The following FHIT variants were observed in gnomAD, a reference collection of about 807,000 sequenced individuals.
FHIT encodes the protein fragile histidine triad diadenosine triphosphatase, also known as bis(5'-adenosyl)-triphosphatase.
Under a neutral mutation model 17.9 loss-of-function variants are expected in FHIT, and 19 were observed. That is an observed-to-expected ratio of 1.06 (90% CI 0.74 to 1.56). The LOEUF is 1.56. Among genes scored for constraint, FHIT ranks in the 40% most tolerant of loss-of-function variants. The pLI, the probability that FHIT is intolerant of heterozygous loss-of-function variation, is 0.00. For synonymous variants in FHIT, 81 were observed against 69.7 expected, an observed-to-expected ratio of 1.16 and a Z score of -0.81; for missense variants, 248 against 189.2, an observed-to-expected ratio of 1.31 and a Z score of -1.82.
intron 2 of FHIT, among the ~76,000 whole-genome samples, chr3:61,191,685 G>C (rs905397550): frequency 6.6e-6 from 1 of 152,126 alleles, no homozygotes; most frequent in African/African-American, 2.4e-5. Context: ...ACAGGGAAAG[G>C]GTTAACAGCT....
At chr3:60,369,360 T>C (rs7624537) in intron 5 of FHIT, among the ~76,000 whole-genome samples, 60,923 of 152,028 alleles carry the variant, frequency 0.4, 12,359 homozygotes, top group Non-Finnish European at 0.42. Context: ...AGCATCCATG[T>C]TTTCCTTTAA....
intron 5 of FHIT, among the ~76,000 whole-genome samples, chr3:60,472,952 T>C (rs2033163202): frequency 6.6e-6 from 1 of 152,304 alleles, no homozygotes; most frequent in East Asian, 1.9e-4. Flanking sequence ...GACATTTATC[T>C]CCTTTAGTGC....
intron 5 of FHIT, among the ~76,000 whole-genome samples, chr3:60,229,855 G>C (rs1037836047): frequency 6.6e-6 from 1 of 152,076 alleles, no homozygotes; most frequent in Non-Finnish European, 1.5e-5. Flanking sequence ...GGTGATGCAC[G>C]CCTATAATCC....
rs142536001 is a variant in FHIT, at chr3:60,764,086, G to A, written c.-18+57833C>T. 6.2e-4 allele frequency among the ~76,000 whole-genome samples: 94 copies of A among 152,242 alleles called. 1 individual carries two copies. Among genetic ancestry groups the A allele is most frequent in the African/African-American group, 2.2e-3 (93 of 41,552 alleles). ...AGGTCACACAGCAAATTAGTGGTAC[G>A]ACGGGGATTGGAAAGCCTAACGCCT... On this transcript the variant is annotated intron_variant, in intron 4 of 9. Coordinates refer to ENST00000492590, the MANE Select transcript of FHIT (RefSeq NM_002012.4).
chr3:60,970,049 C>A (rs973534279), intron 3 of FHIT, among the ~76,000 whole-genome samples: 2 of 152,108 alleles, frequency 1.3e-5, no homozygotes, highest in Non-Finnish European at 2.9e-5. Context: ...GTCTTAAACT[C>A]CTACACTGAA....
chr3:61,217,156 A>T (rs1036423735), intron 1 of FHIT, among the ~76,000 whole-genome samples: 3 of 152,070 alleles, frequency 2.0e-5, no homozygotes, highest in African/African-American at 4.8e-5. Flanking sequence ...ATAATAAAAT[A>T]AAAAAATAAA....
intron 5 of FHIT, among the ~76,000 whole-genome samples, chr3:60,521,455 G>T (rs1043908602): frequency 6.6e-6 from 1 of 152,086 alleles, no homozygotes; most frequent in Non-Finnish European, 1.5e-5. Context: ...CACCGTGTTA[G>T]CCAGGATGGT....
intron 4 of FHIT, among the ~76,000 whole-genome samples, chr3:60,808,681 C>A (rs1347943402): frequency 1.3e-5 from 2 of 152,142 alleles, no homozygotes; most frequent in African/African-American, 4.8e-5. Flanking sequence ...GAACCAAAAG[C>A]AAATTGGTTG....
intron 3 of FHIT, among the ~76,000 whole-genome samples, chr3:60,838,290 C>T (rs1702603203): frequency 2.0e-5 from 3 of 152,040 alleles, no homozygotes; most frequent in African/African-American, 4.8e-5. Context: ...CTGGGCAACA[C>T]GGTGAAACCC....
chr3:59,910,181 T>A (rs1704800578), intron 8 of FHIT, among the ~76,000 whole-genome samples: 1 of 152,122 alleles, frequency 6.6e-6, no homozygotes, highest in African/African-American at 2.4e-5. Flanking sequence ...TCAACATACA[T>A]AAGATGAGCA....
At chr3:59,885,642 C>A (rs535717402) in intron 8 of FHIT, among the ~76,000 whole-genome samples, 1 of 152,280 alleles carries the variant, frequency 6.6e-6, no homozygotes, top group Admixed American at 6.5e-5. Flanking sequence ...AGCTCTGCTA[C>A]TTTGAATGCT....
chr3:60,109,719 C>G (rs1704588866), intron 5 of FHIT, among the ~76,000 whole-genome samples: 1 of 152,150 alleles, frequency 6.6e-6, no homozygotes. Flanking sequence ...GAAAATGGAA[C>G]TTGAGGCCCC....
At position 59,858,645 on chromosome 3, in the gene FHIT, G is replaced by A. The variant is rs375577427; in HGVS notation, c.348+63701C>T. Among the ~76,000 whole-genome samples, 6 of 152,194 alleles carry A rather than the reference G, an allele frequency of 3.9e-5. No individual in the cohort carries two copies. The East Asian group carries it at 9.7e-4, about 25-fold the overall frequency. On this transcript the variant is annotated intron_variant, in intron 8 of 9. Transcript: ENST00000492590. ...GTAACTGAACATGCAGGGCAACGTG[G>A]GGAGAGGGGTGCTGCATGGATGGGG... is the stretch of plus-strand genomic sequence containing the variant.
chr3:60,283,506 T>C (rs1319617934), intron 5 of FHIT, among the ~76,000 whole-genome samples: 2 of 152,116 alleles, frequency 1.3e-5, no homozygotes, highest in Non-Finnish European at 2.9e-5. Context: ...ATTATCTAAT[T>C]CCAGGACCCA....
chr3:59,862,425 A>G (rs989280013), intron 8 of FHIT, among the ~76,000 whole-genome samples: 8 of 152,240 alleles, frequency 5.3e-5, no homozygotes, highest in African/African-American at 9.6e-5. Flanking sequence ...CAGCCAAACC[A>G]TATCAACAAT....
At chr3:60,408,807 G>A (rs1208836065) in intron 5 of FHIT, among the ~76,000 whole-genome samples, 4 of 152,048 alleles carry the variant, frequency 2.6e-5, no homozygotes, top group Admixed American at 6.6e-5. Context: ...GCCCTCAAAG[G>A]AAAGATCAAT....
intron 5 of FHIT, among the ~76,000 whole-genome samples, chr3:60,524,244 A>T (rs1055872022): frequency 7.9e-6 from 1 of 126,620 alleles, no homozygotes; most frequent in East Asian, 2.5e-4. Context: ...ACACACACAC[A>T]CACAAATAAA....
At chr3:60,559,377 T>C (rs529412626) in intron 4 of FHIT, among the ~76,000 whole-genome samples, 10 of 152,194 alleles carry the variant, frequency 6.6e-5, no homozygotes, top group East Asian at 1.9e-4. Context: ...AGAGAACAAG[T>C]GAAGCATGCA....
intron 8 of FHIT, among the ~76,000 whole-genome samples, chr3:59,764,369 A>T (rs912719857): frequency 1.3e-5 from 2 of 152,160 alleles, no homozygotes; most frequent in African/African-American, 2.4e-5. Flanking sequence ...TAATATGAAA[A>T]TCTATATTCC....
Sources: allele counts gnomAD v4.1 joint callset (sites outside exome capture counted in the v4.1 genomes callset), GRCh38; gene constraint gnomAD v4.1.1; transcripts MANE v1.5; gene names NCBI Gene and HGNC (gene_info 2026-07-23, HGNC 2026-07-21).